C12orf42: variants seen among roughly 807,000 people sequenced by gnomAD.
C12orf42 encodes the protein uncharacterized protein C12orf42.
In C12orf42, 25 loss-of-function variants were observed where a neutral mutation model predicts 21.6. The ratio of observed to expected loss-of-function variants is 1.16; its 90% CI spans 0.84 to 1.62. The LOEUF (loss-of-function observed/expected upper bound fraction) is 1.62. Among genes scored for constraint, C12orf42 ranks in the 40% most tolerant of loss-of-function variants. The pLI is 0.00. For synonymous variants in C12orf42, 174 were observed against 175.0 expected (o/e 0.99, Z 0.05); for missense variants, 483 against 459.3 (o/e 1.05, Z -0.47).
chr12:103,476,999 C>T (rs901490706), intron 2 of C12orf42: 3 of 152,038 alleles, frequency 2.0e-5, no homozygotes, highest in African/African-American at 7.2e-5. Flanking sequence ...TCACTGTGAT[C>T]CAGCTTACTG....
the C12orf42 span, among the ~76,000 whole-genome samples, chr12:103,079,307 A>C: frequency 5.9e-5 from 9 of 152,192 alleles, no homozygotes; most frequent in African/African-American, 2.2e-4. Flanking sequence ...GAAATAAGCT[A>C]TCAGGGCTGA....
At chr12:103,297,526 C>T (rs2037377191), downstream of C12orf42, among the ~76,000 whole-genome samples, 1 of 152,214 alleles carries the variant, frequency 6.6e-6, no homozygotes, top group South Asian at 2.1e-4. Flanking sequence ...ACCAGAGGTA[C>T]AAAGAGGAGC....
At chr12:103,207,071 C>T in the C12orf42 span, among the ~76,000 whole-genome samples, 4 of 152,176 alleles carry the variant, frequency 2.6e-5, no homozygotes, top group African/African-American at 9.7e-5. Flanking sequence ...GGAAATGCGA[C>T]ATGTGCCTCC....
At chr12:103,130,006 T>C in the C12orf42 span, among the ~76,000 whole-genome samples, 1 of 152,162 alleles carries the variant, frequency 6.6e-6, no homozygotes, top group African/African-American at 2.4e-5. Context: ...TGAATATTTT[T>C]CCCATCCCTC....
chr12:103,176,329 A>AGTC, the C12orf42 span, among the ~76,000 whole-genome samples: 1 of 152,136 alleles, frequency 6.6e-6, no homozygotes, highest in Non-Finnish European at 1.5e-5. Flanking sequence ...TTGAGTTACC[A>AGTC]CTTTCTATCC....
chr12:103,401,617 G>T lies in C12orf42; in HGVS notation c.137C>A (p.Pro46His), dbSNP rs750030687. ...SSATLWDRSTPSAKHIPCYER... is the reference protein window; with the variant it reads ...SSATLWDRSTHSAKHIPCYER... ...ATTCCGCTGACTCACCTTTGCACTG[G>T]GTGTGCTTCTATCCCACAGGGTGGC... Residue 46 changes from proline (P) to histidine (H), a missense_variant, in exon 3 of 6, where the codon CCC becomes CAC. Pro to His is a moderately conservative substitution (Grantham distance 77). Transcript: ENST00000548883. The T allele has an allele frequency of 1.9e-6, 3 of 1,613,802 alleles. No individual in the cohort carries two copies. Among genetic ancestry groups the T allele is most frequent in the South Asian group, 2.2e-5 (2 of 91,060 alleles).
chr12:103,318,178 A>C (rs1163329397), intron 4 of C12orf42, among the ~76,000 whole-genome samples: 1 of 152,024 alleles, frequency 6.6e-6, no homozygotes, highest in East Asian at 1.9e-4. Context: ...AGTCTTAGCT[A>C]CTCCAGAGGT....
the C12orf42 span, among the ~76,000 whole-genome samples, chr12:103,132,007 A>G: frequency 6.6e-6 from 1 of 152,178 alleles, no homozygotes; most frequent in Admixed American, 6.5e-5. Flanking sequence ...AGAAAGTCAC[A>G]CTTCAAACCG....
At chr12:103,401,578 G>A in intron 3 of C12orf42, 29 bp downstream of exon 3, 1 of 1,601,492 alleles carries the variant, frequency 6.2e-7, no homozygotes. Context: ...CTATGGAGCA[G>A]CCCTGCACAT....
the C12orf42 span, among the ~76,000 whole-genome samples, chr12:103,145,988 G>A: frequency 1.3e-5 from 2 of 151,852 alleles, no homozygotes; most frequent in Non-Finnish European, 2.9e-5. Context: ...AAGAGAGAGA[G>A]GGAGAAAACC....
chr12:103,517,749 T>C, the C12orf42 span, among the ~76,000 whole-genome samples: 2 of 152,182 alleles, frequency 1.3e-5, no homozygotes, highest in Admixed American at 1.3e-4. Context: ...TTCTCTGTTA[T>C]CAACCTCCCA....
the C12orf42 span, among the ~76,000 whole-genome samples, chr12:103,200,009 C>G: frequency 6.6e-6 from 1 of 152,150 alleles, no homozygotes; most frequent in East Asian, 1.9e-4. Context: ...AAATCAGGAT[C>G]TGGAAGAGAT....
intron 10 of C12orf42, among the ~76,000 whole-genome samples, chr12:103,260,947 TA>T (rs1413941554): frequency 6.6e-6 from 1 of 152,172 alleles, no homozygotes; most frequent in Non-Finnish European, 1.5e-5. Flanking sequence ...GTTTTTCTAT[TA>T]TTTTTTTCTG....
the C12orf42 span, among the ~76,000 whole-genome samples, chr12:103,056,810 A>G: frequency 1.3e-5 from 2 of 151,984 alleles, no homozygotes; most frequent in African/African-American, 4.8e-5. Context: ...TGGTTTTTCC[A>G]TATACTTTCT....
At chr12:103,392,802 T>C (rs767120701) in intron 3 of C12orf42, among the ~76,000 whole-genome samples, 7 of 152,214 alleles carry the variant, frequency 4.6e-5, no homozygotes, top group Non-Finnish European at 8.8e-5. Flanking sequence ...TAGTAATACA[T>C]GAGGAAAGGA....
chr12:103,152,309 G>A, the C12orf42 span, among the ~76,000 whole-genome samples: 1 of 152,172 alleles, frequency 6.6e-6, no homozygotes, highest in Non-Finnish European at 1.5e-5. Flanking sequence ...ATTGTTTTGA[G>A]TTGCTGAATT....
At position 103,302,143 on chromosome 12, in the gene C12orf42, G is replaced by A; in HGVS notation, c.1048C>T (p.Leu350Phe). 6.2e-7 allele frequency: 1 copy of A among 1,613,126 alleles called. No homozygotes were observed. ...RRFHTVCSQA[L>F]SRPVVNAHLH is the part of the protein sequence containing the mutation. ...TGAGCATTCACCACCGGCCTAGAAAGGGCCTGTGAACAAACCGTATGGAAA... is the reference window on the plus strand; with the variant it reads ...TGAGCATTCACCACCGGCCTAGAAAAGGCCTGTGAACAAACCGTATGGAAA... The change falls in exon 6 of 6, where the codon CTT becomes TTT. Residue 350 changes from leucine to phenylalanine, a missense_variant. Transcript: ENST00000548883.
At chr12:103,357,908 A>T (rs1310595779) in intron 4 of C12orf42, among the ~76,000 whole-genome samples, 3 of 152,080 alleles carry the variant, frequency 2.0e-5, no homozygotes, top group African/African-American at 7.2e-5. Context: ...TAACTTTTTA[A>T]AATTATTATT....
the C12orf42 span, among the ~76,000 whole-genome samples, chr12:103,102,227 A>G: frequency 6.6e-6 from 1 of 152,244 alleles, no homozygotes; most frequent in East Asian, 1.9e-4. Flanking sequence ...TGTTCCTAGT[A>G]AAACTTTTCC....
Sources: allele counts gnomAD v4.1 joint callset (sites outside exome capture counted in the v4.1 genomes callset), GRCh38; gene constraint gnomAD v4.1.1; transcripts MANE v1.5; gene names NCBI Gene and HGNC (gene_info 2026-07-23, HGNC 2026-07-21).